Variants in ARHGEF33 observed in about 807,000 individuals in gnomAD.
ARHGEF33 encodes Rho guanine nucleotide exchange factor 33, also known as DH and coiled-coil domain-containing protein ENSP00000381780.
Under a neutral mutation model 101.9 loss-of-function variants are expected in ARHGEF33, and 72 were observed. That is an observed-to-expected ratio of 0.71 (90% confidence interval 0.58 to 0.86). The LOEUF (loss-of-function observed/expected upper bound fraction) is 0.86. Ranked by LOEUF, ARHGEF33 falls within the 40% of genes least tolerant of loss-of-function variation. The probability of loss-of-function intolerance (pLI) is 0.00; values close to 1 mark genes in which losing one functional copy is unlikely to be tolerated. For synonymous variants in ARHGEF33, 499 were observed against 442.5 expected (o/e 1.13, Z -1.60); for missense variants, 1,169 against 1,111.3 (o/e 1.05, Z -0.74).
chr2:38,894,381 C>T (rs1666074735), intron 1 of ARHGEF33, among the ~76,000 whole-genome samples: 1 of 149,840 alleles, frequency 6.7e-6, no homozygotes, highest in African/African-American at 2.5e-5. Flanking sequence ...CCTAGAACGC[C>T]AGCATATCAG....
At chr2:38,931,932 G>C (rs986436276) in intron 7 of ARHGEF33, among the ~76,000 whole-genome samples, 1 of 152,112 alleles carries the variant, frequency 6.6e-6, no homozygotes, top group African/African-American at 2.4e-5. Flanking sequence ...TCAAAAGAAA[G>C]ACTCAATGAT....
chr2:38,965,051 A>C (rs1212968206), intron 16 of ARHGEF33, among the ~76,000 whole-genome samples: 1 of 149,168 alleles, frequency 6.7e-6, no homozygotes, highest in African/African-American at 2.4e-5. Flanking sequence ...TGTTTCCCGA[A>C]AAAAAAAAAA....
At chr2:38,894,728 C>T (rs1286352549) in intron 1 of ARHGEF33, among the ~76,000 whole-genome samples, 1 of 152,176 alleles carries the variant, frequency 6.6e-6, no homozygotes, top group African/African-American at 2.4e-5. Context: ...AGTGGTCACT[C>T]AGTGTTTCTA....
chr2:38,916,058 G>C (rs1666625845), intron 2 of ARHGEF33, among the ~76,000 whole-genome samples: 1 of 152,138 alleles, frequency 6.6e-6, no homozygotes, highest in African/African-American at 2.4e-5. Flanking sequence ...ATTATGTCTT[G>C]AAATAAGTTG....
chr2:38,935,698 C>G (rs1286873125), intron 7 of ARHGEF33, 77 bp from the exon 8 acceptor site: 1 of 1,170,336 alleles, frequency 8.5e-7, no homozygotes, highest in Non-Finnish European at 1.2e-6. Context: ...AGTCTGCCCC[C>G]AGTGCCAGGC....
intron 2 of ARHGEF33, among the ~76,000 whole-genome samples, chr2:38,897,929 C>A (rs919904783): frequency 5.9e-5 from 9 of 152,156 alleles, no homozygotes; most frequent in African/African-American, 2.2e-4. Context: ...GTGATAGAAG[C>A]CCAGTATGTG....
intron 13 of ARHGEF33, among the ~76,000 whole-genome samples, chr2:38,955,942 G>T (rs148042290): frequency 8.0e-4 from 122 of 152,152 alleles, no homozygotes; most frequent in African/African-American, 2.6e-3. Context: ...GTGCTGGGAT[G>T]ACAGGTGTGA....
intron 16 of ARHGEF33, among the ~76,000 whole-genome samples, chr2:38,965,064 C>G (rs1471367301): frequency 6.6e-6 from 1 of 151,788 alleles, no homozygotes; most frequent in Non-Finnish European, 1.5e-5. Context: ...AAAAAAAAAT[C>G]CACCCTAACA....
chr2:38,930,036 C>T (rs773862208), intron 6 of ARHGEF33, among the ~76,000 whole-genome samples: 19 of 152,016 alleles, frequency 1.2e-4, no homozygotes, highest in South Asian at 8.3e-4. Context: ...CCATTTAATA[C>T]GATATGTAAA....
At chr2:38,906,931 C>T (rs972295242) in intron 2 of ARHGEF33, among the ~76,000 whole-genome samples, 5 of 151,720 alleles carry the variant, frequency 3.3e-5, no homozygotes, top group South Asian at 2.1e-4. Context: ...GCCTGGGTGA[C>T]AGAATGAGAC....
intron 9 of ARHGEF33, among the ~76,000 whole-genome samples, chr2:38,941,402 T>A (rs1667303610): frequency 6.6e-6 from 1 of 152,202 alleles, no homozygotes; most frequent in Non-Finnish European, 1.5e-5. Context: ...TTTCACATAG[T>A]TGATTAATAA....
intron 2 of ARHGEF33, among the ~76,000 whole-genome samples, chr2:38,918,134 G>A (rs1199624840): frequency 3.3e-5 from 5 of 152,200 alleles, no homozygotes; most frequent in Non-Finnish European, 7.3e-5. Context: ...TCGAGTTTGG[G>A]ATTCTACGGC....
intron 2 of ARHGEF33, among the ~76,000 whole-genome samples, chr2:38,904,807 C>T (rs776411661): frequency 1.3e-4 from 20 of 151,558 alleles, no homozygotes; most frequent in Admixed American, 5.3e-4. Flanking sequence ...TAAAGGAAAA[C>T]AATCTACTGG....
chr2:38,919,003 A>G (rs1176434182), intron 2 of ARHGEF33, among the ~76,000 whole-genome samples: 6 of 152,168 alleles, frequency 3.9e-5, no homozygotes, highest in African/African-American at 9.7e-5. Flanking sequence ...CCATGACTGC[A>G]TCACTGCACT....
chr2:38,927,415 G>T lies in ARHGEF33; in HGVS notation c.76-1492G>T, dbSNP rs140595311. On this transcript the variant is annotated intron_variant, in intron 4 of 17. Coordinates refer to ENST00000409978, the MANE Select transcript of ARHGEF33 (RefSeq NM_001145451.5). ...TTCCTTTAAAGTAAAAATACTTGAGGCCGGGCACAGTGGCTCACGCCTGTA... is the reference window on the plus strand; with the variant it reads ...TTCCTTTAAAGTAAAAATACTTGAGTCCGGGCACAGTGGCTCACGCCTGTA... Among the ~76,000 whole-genome samples, 305 of 152,288 alleles carry T rather than the reference G, an allele frequency of 2.0e-3. 2 individuals are homozygous for T. The highest frequency in any genetic ancestry group is 7.0e-3 in the African/African-American group (292 of 41,558).
At chr2:38,939,005 C>T (rs1004463488) in intron 9 of ARHGEF33, among the ~76,000 whole-genome samples, 2 of 152,096 alleles carry the variant, frequency 1.3e-5, no homozygotes, top group African/African-American at 2.4e-5. Context: ...CAGAGTCTTG[C>T]TCTTTCACTG....
At chr2:38,902,528 G>A (rs1666272129) in intron 2 of ARHGEF33, among the ~76,000 whole-genome samples, 1 of 152,202 alleles carries the variant, frequency 6.6e-6, no homozygotes, top group African/African-American at 2.4e-5. Context: ...GACAGGGCTT[G>A]GCTGGCTGAT....
intron 15 of ARHGEF33, among the ~76,000 whole-genome samples, chr2:38,958,741 G>A (rs1397371981): frequency 6.6e-6 from 1 of 152,098 alleles, no homozygotes; most frequent in African/African-American, 2.4e-5. Context: ...AGGTACAATG[G>A]CATGATCTCA....
At chr2:38,903,057 A>G (rs144293446) in intron 2 of ARHGEF33, among the ~76,000 whole-genome samples, 99 of 152,314 alleles carry the variant, frequency 6.5e-4, no homozygotes, top group African/African-American at 2.1e-3. Flanking sequence ...GTGGAGATAA[A>G]TCATAGCTTG....
Sources: gnomAD v4.1 joint callset for allele counts (sites outside exome capture counted in the v4.1 genomes callset) on GRCh38, gnomAD v4.1.1 for gene constraint, MANE v1.5 for transcripts, NCBI Gene and HGNC (gene_info 2026-07-23, HGNC 2026-07-21) for gene names.